XIRP2: variants seen among roughly 807,000 people sequenced by gnomAD.
XIRP2 encodes xin actin binding repeat containing 2.
Under a neutral mutation model 277.0 loss-of-function variants are expected in XIRP2, and 236 were observed. The ratio of observed to expected loss-of-function variants is 0.85; its 90% CI spans 0.77 to 0.95. The LOEUF (loss-of-function observed/expected upper bound fraction) is 0.95, where lower values mean the gene tolerates loss of function less well. Ranked by LOEUF, XIRP2 falls within the 40% of genes least tolerant of loss-of-function variation. The pLI is 0.00. For missense variants in XIRP2, 4,640 were observed against 4,157.5 expected (o/e 1.12, Z -3.19); for synonymous variants, 1,490 against 1,416.5 (o/e 1.05, Z -1.17).
chr2:167,026,170 TA>T, intron 2 of XIRP2, among the ~76,000 whole-genome samples: 1 of 152,320 alleles, frequency 6.6e-6, no homozygotes, highest in South Asian at 2.1e-4. Context: ...TTAGGATAGT[TA>T]GCTCTTGTTG....
chr2:167,100,398 A>G (rs1242620851), intron 2 of XIRP2, among the ~76,000 whole-genome samples: 6 of 152,244 alleles, frequency 3.9e-5, no homozygotes, highest in Non-Finnish European at 8.8e-5. Context: ...TAATGTAACT[A>G]TTGCTTAGAG....
rs544901681 is a variant in XIRP2 at position 167,040,864 on chromosome 2, G to A, written c.409-95045G>A. On this transcript the variant is annotated intron_variant, in intron 2 of 10. Transcript: ENST00000409195. The stretch of plus-strand genomic sequence containing the variant: ...CTGCCCACAACCATTCTCCACTAAC[G>A]TGCACCAACCTGCAGCCTCCCCCTG... Among the ~76,000 whole-genome samples, 16 of 152,196 alleles carry A rather than the reference G, an allele frequency of 1.1e-4. No individual in the cohort carries two copies. The East Asian group carries it at 2.5e-3, about 24-fold the overall frequency.
In XIRP2 at chr2:167,258,236, C is replaced by G; in HGVS notation, c.*419C>G. On this transcript the variant is annotated 3_prime_UTR_variant, in exon 11 of 11. Transcript: ENST00000409195. Reference sequence around the variant, plus strand: ...GCTCAAAATGAGTAAACCTAAGTGGCCACCTGAAATGACAACCCTGCTATC... The same window carrying G: ...GCTCAAAATGAGTAAACCTAAGTGGGCACCTGAAATGACAACCCTGCTATC... 6.2e-7 allele frequency: 1 copy of G among 1,613,004 alleles called. No homozygotes were observed. Among genetic ancestry groups the G allele is most frequent in the Non-Finnish European group, 8.5e-7 (1 of 1,179,558 alleles).
intron 3 of XIRP2, among the ~76,000 whole-genome samples, chr2:167,202,359 A>T (rs1573955244): frequency 6.6e-6 from 1 of 152,306 alleles, no homozygotes; most frequent in East Asian, 1.9e-4. Context: ...CTTCTGATTA[A>T]ATTTTCTTAA....
intron 3 of XIRP2, among the ~76,000 whole-genome samples, chr2:167,188,545 T>C (rs1693231569): frequency 6.6e-6 from 1 of 152,226 alleles, no homozygotes; most frequent in African/African-American, 2.4e-5. Flanking sequence ...TTCAGAGCCA[T>C]GAATTTTAAT....
chr2:167,170,588 CA>C (rs145328745), intron 3 of XIRP2, among the ~76,000 whole-genome samples: 1 of 151,932 alleles, frequency 6.6e-6, no homozygotes, highest in Non-Finnish European at 1.5e-5. Flanking sequence ...TATTTACTGA[CA>C]AAAAATTGAT....
At position 166,986,469 on chromosome 2, in the gene XIRP2, G is replaced by C. The variant is rs1454213596; in HGVS notation, c.408+82579G>C. On this transcript the variant is annotated intron_variant, in intron 2 of 10. Transcript: ENST00000409195. Reference sequence around the variant, plus strand: ...ATTTACACGTTGCGTGACATTCATTGTGTTGCTAGCCGCATAGCTATGATA... The same window carrying C: ...ATTTACACGTTGCGTGACATTCATTCTGTTGCTAGCCGCATAGCTATGATA... 2.6e-5 allele frequency among the ~76,000 whole-genome samples: 4 copies of C among 152,304 alleles called. No homozygotes were observed. The Middle Eastern group carries it at 0.01, about 389-fold the overall frequency.
At chr2:167,184,518 C>G in intron 3 of XIRP2, 1 of 712,258 alleles carries the variant, frequency 1.4e-6, no homozygotes, top group East Asian at 2.7e-5. Flanking sequence ...GCCAAAGGTT[C>G]TGCTGTTTTT....
intron 2 of XIRP2, among the ~76,000 whole-genome samples, chr2:166,948,195 C>T (rs2105392076): frequency 6.6e-6 from 1 of 152,160 alleles, no homozygotes; most frequent in South Asian, 2.1e-4. Flanking sequence ...ATCAAGTGAA[C>T]CCTATTGTAA....
At chr2:167,070,955 TA>T (rs1353696923) in intron 2 of XIRP2, among the ~76,000 whole-genome samples, 1 of 152,216 alleles carries the variant, frequency 6.6e-6, no homozygotes, top group Non-Finnish European at 1.5e-5. Context: ...ATATTTCATT[TA>T]AAATTCACAG....
intron 2 of XIRP2, among the ~76,000 whole-genome samples, chr2:166,954,038 A>C (rs765657766): frequency 2.0e-5 from 3 of 151,986 alleles, no homozygotes; most frequent in African/African-American, 7.2e-5. Flanking sequence ...GTAATAAAGT[A>C]TTAAACCCAT....
chr2:167,202,924 T>C (rs1559019168), intron 3 of XIRP2, among the ~76,000 whole-genome samples: 1 of 152,136 alleles, frequency 6.6e-6, no homozygotes, highest in Non-Finnish European at 1.5e-5. Context: ...AAGCTGCCTG[T>C]ATTCCTTGAT....
intron 3 of XIRP2, among the ~76,000 whole-genome samples, chr2:167,158,013 A>G (rs768218080): frequency 2.2e-4 from 33 of 152,326 alleles, no homozygotes; most frequent in South Asian, 6.2e-4. Context: ...CCACTTTAAA[A>G]GTGCTTTAAA....
chr2:166,904,588 A>T (rs1278290839), intron 2 of XIRP2, among the ~76,000 whole-genome samples: 1 of 152,172 alleles, frequency 6.6e-6, no homozygotes, highest in Admixed American at 6.6e-5. Flanking sequence ...GATTAGCAAC[A>T]TTATTAACTA....
chr2:167,223,687 A>G (rs918342913), intron 5 of XIRP2, among the ~76,000 whole-genome samples: 7 of 152,344 alleles, frequency 4.6e-5, no homozygotes, highest in East Asian at 1.9e-4. Flanking sequence ...TGCCACGTAC[A>G]TAATTCTTCA....
intron 2 of XIRP2, among the ~76,000 whole-genome samples, chr2:167,014,591 A>G (rs1413580534): frequency 4.0e-5 from 6 of 151,820 alleles, no homozygotes; most frequent in East Asian, 1.9e-4. Context: ...AAGATGAAAC[A>G]TAGAGCAACC....
intron 4 of XIRP2, among the ~76,000 whole-genome samples, chr2:167,217,201 T>C (rs1004998277): frequency 6.7e-6 from 1 of 148,594 alleles, no homozygotes; most frequent in African/African-American, 2.5e-5. Context: ...AGTTAGTGGG[T>C]GCAGCACACC....
intron 2 of XIRP2, among the ~76,000 whole-genome samples, chr2:166,906,794 A>G (rs1212389397): frequency 6.6e-6 from 1 of 152,086 alleles, no homozygotes; most frequent in Non-Finnish European, 1.5e-5. Flanking sequence ...CCCTGTCTCT[A>G]CAAATATTTA....
Position 167,242,936 on chromosome 2 carries a change from A to C in XIRP2, c.1544A>C (p.Lys515Thr). 2 of 1,613,592 alleles carry C rather than the reference A, an allele frequency of 1.2e-6. No individual in the cohort carries two copies. The highest frequency in any genetic ancestry group is 1.7e-6 in the Non-Finnish European group (2 of 1,179,874). The part of the protein sequence containing the change: ...IHPELRKNLE[K>T]DYISEVSEIV... ...CCTGAGTTAAGAAAAAACTTAGAAAAAGATTATATCAGTGAAGTTTCTGAG... is the reference window on the plus strand; with the variant it reads ...CCTGAGTTAAGAAAAAACTTAGAAACAGATTATATCAGTGAAGTTTCTGAG... The change falls in exon 9 of 11, where the codon AAA (lysine) becomes ACA (threonine). Residue 515 changes from lysine (K) to threonine (T), a missense_variant. Coordinates refer to ENST00000409195, the MANE Select transcript of XIRP2 (RefSeq NM_152381.6).
Sources: gnomAD v4.1 joint callset for allele counts (sites outside exome capture counted in the v4.1 genomes callset) on GRCh38, gnomAD v4.1.1 for gene constraint, MANE v1.5 for transcripts, NCBI Gene and HGNC (gene_info 2026-07-23, HGNC 2026-07-21) for gene names.